The following SYT16 variants were observed in gnomAD, a reference collection of about 807,000 sequenced individuals.
The protein encoded by SYT16 is synaptotagmin-16.
Under a neutral mutation model 61.4 loss-of-function variants are expected in SYT16, and 42 were observed. The ratio of observed to expected loss-of-function variants is 0.68; its 90% CI spans 0.53 to 0.89. The LOEUF is 0.89. Ranked by LOEUF, SYT16 falls within the 40% of genes least tolerant of loss-of-function variation. SYT16 has a pLI of 0.00. For missense variants in SYT16, 804 were observed against 807.3 expected (o/e 1.00, Z 0.05); for synonymous variants, 314 against 302.3 (o/e 1.04, Z -0.40).
chr14:61,882,512 G>T (rs1239588062), intron 1 of SYT16, among the ~76,000 whole-genome samples: 1 of 152,124 alleles, frequency 6.6e-6, no homozygotes, highest in Non-Finnish European at 1.5e-5. Flanking sequence ...CCTCCACCTA[G>T]TCTTGCCCTT....
chr14:62,078,138 G>T (rs77884507), intron 5 of SYT16, among the ~76,000 whole-genome samples: 19,945 of 133,286 alleles, frequency 0.15, 1,548 homozygotes, highest in Middle Eastern at 0.22. Flanking sequence ...GTGCTCTCTC[G>T]CTCTCTCTCT....
chr14:61,841,979 A>G (rs780228507), intron 1 of SYT16, among the ~76,000 whole-genome samples: 12 of 152,178 alleles, frequency 7.9e-5, no homozygotes, highest in Non-Finnish European at 7.3e-5. Flanking sequence ...CAATAAACAT[A>G]TGAGTGCAGG....
intron 6 of SYT16, among the ~76,000 whole-genome samples, chr14:62,082,763 A>G (rs925007698): frequency 2.0e-5 from 3 of 152,236 alleles, no homozygotes; most frequent in African/African-American, 7.2e-5. Flanking sequence ...GATCACACCC[A>G]TATTTATGCT....
At chr14:62,055,053 G>GT (rs1407683869) in intron 3 of SYT16, among the ~76,000 whole-genome samples, 1 of 152,242 alleles carries the variant, frequency 6.6e-6, no homozygotes, top group African/African-American at 2.4e-5. Flanking sequence ...ACATTTGCTT[G>GT]TAAGGATTCA....
intron 3 of SYT16, among the ~76,000 whole-genome samples, chr14:62,012,191 C>T (rs983897857): frequency 3.3e-5 from 5 of 152,110 alleles, no homozygotes; most frequent in African/African-American, 1.2e-4. Flanking sequence ...CTTAGGGTCT[C>T]ACATGGCTAT....
intron 1 of SYT16, among the ~76,000 whole-genome samples, chr14:61,826,228 C>T (rs747901395): frequency 6.6e-5 from 10 of 151,974 alleles, no homozygotes; most frequent in South Asian, 2.1e-4. Context: ...CACTCACTCA[C>T]GCTGGGACCA....
At chr14:61,834,412 G>A (rs1390546438) in intron 1 of SYT16, among the ~76,000 whole-genome samples, 3 of 146,432 alleles carry the variant, frequency 2.0e-5, no homozygotes, top group Non-Finnish European at 1.5e-5. Flanking sequence ...TTACAGGCAT[G>A]AGCCACCGTG....
At chr14:62,073,512 G>A (rs1186747639) in intron 4 of SYT16, among the ~76,000 whole-genome samples, 3 of 152,124 alleles carry the variant, frequency 2.0e-5, no homozygotes, top group Non-Finnish European at 4.4e-5. Flanking sequence ...CCAAATAACC[G>A]AAAGTCTGGA....
Position 62,044,569 on chromosome 14 carries a change from G to C in SYT16, c.524-25034G>C, listed in dbSNP as rs183108827. ...ATGAGGTGTTTGGTTTTCTGTTCCTGTGTTAGTTTGCTGAGAATGATGGTT... is the reference window on the plus strand; with the variant it reads ...ATGAGGTGTTTGGTTTTCTGTTCCTCTGTTAGTTTGCTGAGAATGATGGTT... On this transcript the variant is annotated intron_variant, in intron 3 of 7. Transcript: ENST00000683842. Among the ~76,000 whole-genome samples, 654 of 152,214 alleles carry C rather than the reference G, an allele frequency of 4.3e-3. 5 individuals carry two copies. Among genetic ancestry groups the C allele is most frequent in the African/African-American group, 0.015 (626 of 41,520 alleles).
intron 1 of SYT16, among the ~76,000 whole-genome samples, chr14:61,817,024 C>A (rs1156968128): frequency 0.12 from 16,519 of 140,302 alleles, 1,339 homozygotes; most frequent in African/African-American, 0.18. Context: ...CACACACACA[C>A]ACACAAAAAA....
chr14:61,994,950 A>G (rs1384748456), intron 2 of SYT16, among the ~76,000 whole-genome samples: 1 of 152,186 alleles, frequency 6.6e-6, no homozygotes, highest in Non-Finnish European at 1.5e-5. Context: ...TTGCTATACA[A>G]GATATTGGGT....
intron 3 of SYT16, among the ~76,000 whole-genome samples, chr14:62,030,990 A>G (rs904528042): frequency 7.9e-5 from 12 of 152,194 alleles, no homozygotes; most frequent in Non-Finnish European, 1.3e-4. Flanking sequence ...CCTTATCTAT[A>G]AAATGCAGGA....
chr14:61,987,810 TA>T (rs2052382125), intron 2 of SYT16, among the ~76,000 whole-genome samples: 1 of 151,852 alleles, frequency 6.6e-6, no homozygotes, highest in African/African-American at 2.4e-5. Flanking sequence ...TAAAAAACTT[TA>T]ACAAACACTG....
chr14:61,821,922 A>T (rs1456255342), intron 1 of SYT16, among the ~76,000 whole-genome samples: 1 of 152,142 alleles, frequency 6.6e-6, no homozygotes. Flanking sequence ...TATCATTGGG[A>T]TGGTGTACTA....
intron 3 of SYT16, among the ~76,000 whole-genome samples, chr14:62,043,001 A>C (rs548894063): frequency 1.3e-5 from 2 of 151,918 alleles, no homozygotes; most frequent in East Asian, 1.9e-4. Context: ...TTTTATGTCT[A>C]TGTGGTGGTA....
At chr14:61,815,597 T>C (rs1212300797) in intron 1 of SYT16, among the ~76,000 whole-genome samples, 3 of 152,194 alleles carry the variant, frequency 2.0e-5, no homozygotes, top group African/African-American at 7.2e-5. Context: ...AAAAAGAACA[T>C]AGCCAATAGA....
intron 1 of SYT16, among the ~76,000 whole-genome samples, chr14:61,961,431 G>A (rs1384444347): frequency 6.6e-6 from 1 of 151,946 alleles, no homozygotes; most frequent in Non-Finnish European, 1.5e-5. Flanking sequence ...AAGCAAAAAT[G>A]AGCAACCCTG....
At chr14:61,867,940 A>G (rs113672665) in intron 1 of SYT16, among the ~76,000 whole-genome samples, 2 of 152,204 alleles carry the variant, frequency 1.3e-5, no homozygotes, top group African/African-American at 4.8e-5. Flanking sequence ...TTCTTTAACT[A>G]GTCTGTTAAT....
At chr14:61,985,421 TA>T (rs1207941543) in intron 2 of SYT16, among the ~76,000 whole-genome samples, 1 of 152,176 alleles carries the variant, frequency 6.6e-6, no homozygotes, top group Non-Finnish European at 1.5e-5. Flanking sequence ...AATGAATTAG[TA>T]ATTTGTGGTG....
Sources: allele counts gnomAD v4.1 joint callset (sites outside exome capture counted in the v4.1 genomes callset), GRCh38; gene constraint gnomAD v4.1.1; transcripts MANE v1.5; gene names NCBI Gene and HGNC (gene_info 2026-07-23, HGNC 2026-07-21).